SGSM1: variants seen among roughly 807,000 people sequenced by gnomAD.
SGSM1 encodes the protein small G protein signaling modulator 1.
Under a neutral mutation model 133.8 loss-of-function variants are expected in SGSM1, and 73 were observed. The ratio of observed to expected loss-of-function variants is 0.55; its 90% CI spans 0.45 to 0.66. SGSM1 has a LOEUF of 0.66. Among genes scored for constraint, SGSM1 ranks in the 30% least tolerant of loss-of-function variants. SGSM1 has a pLI of 0.00. For missense variants in SGSM1, 1,213 were observed against 1,448.1 expected, an observed-to-expected ratio of 0.84 and a Z score of 2.64; for synonymous variants, 563 against 573.0, an observed-to-expected ratio of 0.98 and a Z score of 0.25.
rs1318739830 is a variant in SGSM1, at chr22:24,874,380, C to T, written c.1292-2197C>T. 2.5e-6 allele frequency: 4 copies of T among 1,580,264 alleles called. No homozygotes were observed. In the South Asian group the frequency reaches 4.7e-5, roughly 19 times the overall value. Reference sequence around the variant, plus strand: ...CAGTGTCCTGCCCACCGCAGAACCCCCACCTCACTGGTTCTTTCTGTTTTG... The same window carrying T: ...CAGTGTCCTGCCCACCGCAGAACCCTCACCTCACTGGTTCTTTCTGTTTTG... On this transcript the variant is annotated intron_variant, in intron 12 of 24. Transcript: ENST00000400358.
intron 4 of SGSM1, among the ~76,000 whole-genome samples, chr22:24,848,150 T>C (rs541636268): frequency 1.3e-5 from 2 of 152,026 alleles, no homozygotes; most frequent in South Asian, 4.2e-4. Context: ...GTTTGTTGTC[T>C]GTCTATCTCA....
At chr22:24,887,178 A>G (rs1932660948) in intron 16 of SGSM1, among the ~76,000 whole-genome samples, 1 of 116,354 alleles carries the variant, frequency 8.6e-6, no homozygotes, top group Admixed American at 9.2e-5. Flanking sequence ...TGTGTCCATC[A>G]CCACGGCCAA....
intron 9 of SGSM1, among the ~76,000 whole-genome samples, chr22:24,863,284 G>C (rs1931259965): frequency 6.6e-6 from 1 of 152,118 alleles, no homozygotes; most frequent in Non-Finnish European, 1.5e-5. Context: ...AGCCTCCCGG[G>C]TAGCTGGGAC....
chr22:24,901,849 T>C lies in SGSM1; in HGVS notation c.2627T>C (p.Leu876Pro). 1.2e-6 allele frequency: 2 copies of C among 1,612,964 alleles called. No homozygotes were observed. Among genetic ancestry groups the C allele is most frequent in the Non-Finnish European group, 1.7e-6 (2 of 1,179,570 alleles). Residue 876 changes from leucine (L) to proline (P), a missense_variant, in exon 20 of 25, where the codon CTG becomes CCG. Leu to Pro is a moderately conservative substitution (Grantham distance 98, BLOSUM62 -3). Transcript: ENST00000400358. ...GVTYSPELLD[L>P]YTVNLHRIEK... ...GGCCTATAGCCAGAGCTGCTGGATCTGTACACGGTGAACCTGCACCGCATC... is the reference window on the plus strand; with the variant it reads ...GGCCTATAGCCAGAGCTGCTGGATCCGTACACGGTGAACCTGCACCGCATC...
intron 15 of SGSM1, among the ~76,000 whole-genome samples, chr22:24,886,397 C>CAAAAAA (rs139718): frequency 2.6e-5 from 4 of 151,432 alleles, no homozygotes; most frequent in Admixed American, 6.6e-5. Context: ...CGCTCTGTCT[C>CAAAAAA]AAAGAGAAGA....
chr22:24,895,333 C>T (rs1172821736), intron 18 of SGSM1, 42 bp downstream of exon 18: 1 of 1,586,608 alleles, frequency 6.3e-7, no homozygotes, highest in Non-Finnish European at 8.6e-7. Context: ...CCACTCCTCT[C>T]CCTTCTGCCT....
intron 20 of SGSM1, 30 bp from the exon 21 acceptor site, chr22:24,905,075 G>A (rs766082593): frequency 1.2e-6 from 2 of 1,605,072 alleles, no homozygotes; most frequent in South Asian, 2.2e-5. Flanking sequence ...GGCCACGGCT[G>A]CCATCATTGG....
At chr22:24,895,169 T>C in intron 17 of SGSM1, 54 bp from the exon 18 acceptor site, 2 of 1,546,462 alleles carry the variant, frequency 1.3e-6, no homozygotes, top group Non-Finnish European at 1.8e-6. Flanking sequence ...TCCTTCCTGC[T>C]CTGGGCCAGG....
At position 24,919,972 on chromosome 22, in the gene SGSM1, G is replaced by C. The variant is rs773450947; in HGVS notation, c.3172G>C (p.Asp1058His). ...IILENNMDFT[D>H]IIKFFNEMAE... ...TTTGGAGAACAACATGGATTTCACA[G>C]ACATCATCAAATTCTTTAATGGTAC... is the stretch of plus-strand genomic sequence containing the variant. Residue 1058 changes from aspartate to histidine, a missense_variant, in exon 24 of 25, where the codon GAC becomes CAC. Physicochemically the swap from Asp to His is moderately conservative, Grantham distance 81. Transcript: ENST00000400358. The C allele has an allele frequency of 6.2e-7, 1 of 1,609,080 alleles. No homozygotes were observed. The highest frequency in any genetic ancestry group is 8.5e-7 in the Non-Finnish European group (1 of 1,177,618).
At chr22:24,884,752 G>A (rs1932510230) in intron 15 of SGSM1, among the ~76,000 whole-genome samples, 1 of 152,216 alleles carries the variant, frequency 6.6e-6, no homozygotes, top group Non-Finnish European at 1.5e-5. Context: ...CGCATGTACA[G>A]TTAGGACCTG....
chr22:24,897,862 C>T (rs1932960947), intron 18 of SGSM1, 110 bp from the exon 19 acceptor site: 2 of 952,164 alleles, frequency 2.1e-6, no homozygotes, highest in East Asian at 2.6e-5. Context: ...CCACTGCATG[C>T]TTGATCCATA....
rs1285029641 is a variant in SGSM1, at chr22:24,844,664, C to T, written c.64-233C>T. 9.5e-6 allele frequency: 5 copies of T among 526,108 alleles called. No individual in the cohort carries two copies. The South Asian group carries it at 1.3e-4, about 13-fold the overall frequency. 32.6% of individuals were successfully genotyped at this position (526,108 alleles called of 1,614,324 possible). ...GTGAGATGCCTAAGAGAAGCAGCAG[C>T]CTGCTGTGTGAAGAACCTGAACGAA... is the stretch of plus-strand genomic sequence containing the variant. On this transcript the variant is annotated intron_variant, in intron 2 of 24. Transcript: ENST00000400358.
chr22:24,905,713 C>T (rs1238253316), intron 21 of SGSM1, among the ~76,000 whole-genome samples: 10 of 148,744 alleles, frequency 6.7e-5, no homozygotes, highest in Non-Finnish European at 1.3e-4. Flanking sequence ...GGCGTGAACC[C>T]GGGAGGTGGA....
rs747012934 is a variant in SGSM1, at chr22:24,919,806, G to T, written c.3026-20G>T. On this transcript the variant is annotated intron_variant, in intron 23 of 24. Coordinates refer to ENST00000400358, the MANE Select transcript of SGSM1 (RefSeq NM_001098497.3). The stretch of plus-strand genomic sequence containing the variant: ...GCCCCGTCACCAATTCTCTCCCCAT[G>T]TGTGTTGGTGTCTTGGCAGAACTCG... 1.9e-6 allele frequency: 3 copies of T among 1,613,524 alleles called. No individual in the cohort carries two copies. The South Asian group carries it at 3.3e-5, about 18-fold the overall frequency.
intron 8 of SGSM1, among the ~76,000 whole-genome samples, chr22:24,856,225 A>G (rs139681): frequency 0.12 from 18,826 of 152,188 alleles, 1,877 homozygotes; most frequent in African/African-American, 0.27. Context: ...CTCATGGCCA[A>G]TATTTCTTGA....
At position 24,845,941 on chromosome 22, in the gene SGSM1, T is replaced by TTTCTTTC. The variant is rs1555924219; in HGVS notation, c.139+971_139+972insCTTTCTT. On this transcript the variant is annotated intron_variant, in intron 3 of 24. Transcript: ENST00000400358. ...TGGGCAAGATCTTTCTTTTCTTTTCTTTTCTTTCTTTCTTTCTTTCTTTCT... is the reference window on the plus strand; with the variant it reads ...TGGGCAAGATCTTTCTTTTCTTTTCTTTCTTTCTTTCTTTCTTTCTTTCTTTCTTTCT... 7.8e-4 allele frequency among the ~76,000 whole-genome samples: 90 copies of TTTCTTTC among 115,622 alleles called. 1 individual carries two copies. Among genetic ancestry groups the TTTCTTTC allele is most frequent in the Non-Finnish European group, 1.1e-3 (62 of 56,250 alleles). 75.9% of individuals were successfully genotyped at this position (115,622 alleles called of 152,430 possible).
At chr22:24,853,937 C>T (rs1025408766) in intron 5 of SGSM1, among the ~76,000 whole-genome samples, 12 of 149,604 alleles carry the variant, frequency 8.0e-5, no homozygotes, top group Non-Finnish European at 1.0e-4. Flanking sequence ...TCTTACATGG[C>T]GGCGGCAAGA....
In SGSM1 at chr22:24,893,448, T is replaced by G; in HGVS notation, c.1788T>G (p.His596Gln). The G allele has an allele frequency of 1.2e-6, 2 of 1,613,764 alleles. No homozygotes were observed. The highest frequency in any genetic ancestry group is 1.7e-6 in the Non-Finnish European group (2 of 1,179,778). Reference sequence around the variant, plus strand: ...CCTGGCAGGTGGACGAGCAGATTCATGCCTGCTATGCACAGACCATGGCTG... The same window carrying G: ...CCTGGCAGGTGGACGAGCAGATTCAGGCCTGCTATGCACAGACCATGGCTG... ...TERKEVDEQI[H>Q]ACYAQTMAEW... Residue 596 changes from histidine to glutamine, a missense_variant, in exon 17 of 25, where the codon CAT becomes CAG. Coordinates refer to ENST00000400358, the MANE Select transcript of SGSM1 (RefSeq NM_001098497.3).
At chr22:24,915,548 T>C (rs1933793317) in intron 22 of SGSM1, among the ~76,000 whole-genome samples, 1 of 152,124 alleles carries the variant, frequency 6.6e-6, no homozygotes, top group Non-Finnish European at 1.5e-5. Flanking sequence ...TAATTTTTTT[T>C]ATTTTTAATT....
Sources: allele counts gnomAD v4.1 joint callset (sites outside exome capture counted in the v4.1 genomes callset), GRCh38; gene constraint gnomAD v4.1.1; transcripts MANE v1.5; gene names NCBI Gene and HGNC (gene_info 2026-07-23, HGNC 2026-07-21).